Variants in BIK observed in about 807,000 individuals in gnomAD.
BIK encodes the protein bcl-2-interacting killer.
A neutral mutation model predicts 12.1 loss-of-function variants in BIK; 14 were observed. The observed-to-expected ratio is 1.16, with a 90% CI of 0.77 to 1.81. The LOEUF (loss-of-function observed/expected upper bound fraction) is 1.81. BIK is among the 40% of genes most tolerant of loss of function. The pLI is 0.00. For synonymous variants in BIK, 86 were observed against 92.3 expected, an observed-to-expected ratio of 0.93 and a Z score of 0.39; for missense variants, 215 against 207.9, an observed-to-expected ratio of 1.03 and a Z score of -0.21.
intron 4 of BIK, 147 bp from the exon 5 acceptor site, chr22:43,129,066 T>C (rs1039278521): frequency 1.4e-6 from 2 of 1,418,562 alleles, no homozygotes; most frequent in Non-Finnish European, 1.9e-6. Context: ...ACTTTCCCCC[T>C]CTCCTGAACT....
intron 1 of BIK, among the ~76,000 whole-genome samples, chr22:43,117,974 A>G (rs970351141): frequency 6.6e-6 from 1 of 151,886 alleles, no homozygotes; most frequent in Non-Finnish European, 1.5e-5. Context: ...CGGCTGGCCC[A>G]TTTCATATAT....
At position 43,128,529 on chromosome 22, in the gene BIK, G is replaced by T; in HGVS notation, c.294G>T (p.Glu98Asp). The T allele has an allele frequency of 6.2e-7, 1 of 1,613,920 alleles. No individual in the cohort carries two copies. The highest frequency in any genetic ancestry group is 1.1e-5 in the South Asian group (1 of 91,082). The change falls in exon 4 of 5, where the codon GAG (glutamate) becomes GAT (aspartate). Residue 98 changes from glutamate to aspartate, a missense_variant. Transcript: ENST00000216115. ...LGLAFIYDQT[E>D]DIRDVLRSFM... ...TGGCTTTCATCTACGACCAGACTGAGGACATCAGGGATGTTCTTAGAAGTT... is the reference window on the plus strand; with the variant it reads ...TGGCTTTCATCTACGACCAGACTGATGACATCAGGGATGTTCTTAGAAGTT...
intron 2 of BIK, among the ~76,000 whole-genome samples, chr22:43,124,413 G>A: frequency 6.6e-6 from 1 of 152,186 alleles, no homozygotes; most frequent in East Asian, 1.9e-4. Context: ...CAGCCAGCAT[G>A]TTCACAGTCT....
In BIK at chr22:43,127,808, T is replaced by A. The variant is rs905002351; in HGVS notation, c.260+13T>A. 1 of 1,544,048 alleles carries A rather than the reference T, an allele frequency of 6.5e-7. No individual in the cohort carries two copies. Among genetic ancestry groups the A allele is most frequent in the African/African-American group, 1.4e-5 (1 of 72,904 alleles). ...TGGCCATGCACAGGTAGCCGGCCTA[T>A]GCCCTATGCCTCTACACCTGGGGAG... On this transcript the variant is annotated intron_variant, in intron 3 of 4. Coordinates refer to ENST00000216115, the MANE Select transcript of BIK (RefSeq NM_001197.5).
At chr22:43,116,850 G>A (rs933370058) in intron 1 of BIK, among the ~76,000 whole-genome samples, 7 of 152,202 alleles carry the variant, frequency 4.6e-5, no homozygotes, top group Non-Finnish European at 8.8e-5. Flanking sequence ...GAGGTGGAAA[G>A]ATCACCTGAG....
At chr22:43,117,848 A>C (rs1930148040) in intron 1 of BIK, among the ~76,000 whole-genome samples, 1 of 149,346 alleles carries the variant, frequency 6.7e-6, no homozygotes, top group African/African-American at 2.5e-5. Context: ...TTTTTTTGAA[A>C]CGGGGTAGAG....
chr22:43,119,293 C>T (rs1930175254), intron 1 of BIK, among the ~76,000 whole-genome samples: 1 of 151,736 alleles, frequency 6.6e-6, no homozygotes, highest in Non-Finnish European at 1.5e-5. Context: ...TGCAAGTTTG[C>T]TGGAAAAAAA....
chr22:43,116,842 G>C (rs1278759476), intron 1 of BIK, among the ~76,000 whole-genome samples: 1 of 152,200 alleles, frequency 6.6e-6, no homozygotes, highest in Non-Finnish European at 1.5e-5. Flanking sequence ...GGGAAGTTGA[G>C]GTGGAAAGAT....
At chr22:43,128,905 C>T (rs1390844872) in intron 4 of BIK, among the ~76,000 whole-genome samples, 2 of 152,256 alleles carry the variant, frequency 1.3e-5, no homozygotes, top group Non-Finnish European at 2.9e-5. Flanking sequence ...AGCAGCCTTC[C>T]TGGTAGCCTG....
At chr22:43,123,993 C>A in intron 1 of BIK, 23 bp from the exon 2 acceptor site, 1 of 1,612,902 alleles carries the variant, frequency 6.2e-7, no homozygotes, top group South Asian at 1.1e-5. Context: ...GGGGTCCAGT[C>A]ATATGCTGTC....
intron 1 of BIK, among the ~76,000 whole-genome samples, chr22:43,113,764 T>C (rs573740528): frequency 2.0e-5 from 3 of 152,348 alleles, no homozygotes; most frequent in African/African-American, 7.2e-5. Context: ...AGTGAACCTA[T>C]TAAATGTGTA....
At position 43,127,774 on chromosome 22, in the gene BIK, T is replaced by C. The variant is rs1240745249; in HGVS notation, c.239T>C (p.Leu80Pro). 3 of 1,552,286 alleles carry C rather than the reference T, an allele frequency of 1.9e-6. No individual in the cohort carries two copies. Among genetic ancestry groups the C allele is most frequent in the Non-Finnish European group, 2.6e-6 (3 of 1,147,844 alleles). ...CTCAGGGCCCCGCGCCTGGCCCAGC[T>C]CTCCGAGGTGGCCATGCACAGGTAG... ...VSLRAPRLAQ[L>P]SEVAMHSLGL... Residue 80 changes from leucine to proline, a missense_variant, in exon 3 of 5, where the codon CTC becomes CCC. Coordinates refer to ENST00000216115, the MANE Select transcript of BIK (RefSeq NM_001197.5).
At chr22:43,116,298 C>T (rs1172925032) in intron 1 of BIK, among the ~76,000 whole-genome samples, 1 of 152,010 alleles carries the variant, frequency 6.6e-6, no homozygotes, top group Non-Finnish European at 1.5e-5. Context: ...CTTATTGATA[C>T]AGGGTCTCAC....
At position 43,117,553 on chromosome 22, in the gene BIK, G is replaced by A. The variant is rs543410690; in HGVS notation, c.-7-6463G>A. 1.7e-4 allele frequency among the ~76,000 whole-genome samples: 25 copies of A among 149,906 alleles called. No homozygotes were observed. The South Asian group carries it at 1.7e-3, about 10-fold the overall frequency. On this transcript the variant is annotated intron_variant, in intron 1 of 4. Coordinates refer to ENST00000216115, the MANE Select transcript of BIK (RefSeq NM_001197.5). ...CCAGCTAATTTTTTTTGTATTTTTA[G>A]TAGAGACAGGGTTTCACTGTGTTAG...
chr22:43,128,654 C>A, intron 4 of BIK, 29 bp downstream of exon 4: 1 of 1,584,092 alleles, frequency 6.3e-7, no homozygotes, highest in Non-Finnish European at 8.6e-7. Flanking sequence ...CTGACCCTGA[C>A]TTGCGCTGCG....
rs776839988 is a variant in BIK at position 43,128,477 on chromosome 22, C to A, written c.261-19C>A. 1 of 1,564,960 alleles carries A rather than the reference C, an allele frequency of 6.4e-7. No homozygotes were observed. Among genetic ancestry groups the A allele is most frequent in the Non-Finnish European group, 8.7e-7 (1 of 1,147,348 alleles). The stretch of plus-strand genomic sequence containing the variant: ...CTCCTGCAGTAATGGCTTTGTCCCC[C>A]CATCCTCTTTGTCTATAGCCTGGGT... On this transcript the variant is annotated intron_variant, in intron 3 of 4. Transcript: ENST00000216115.
chr22:43,117,138 G>A (rs1352261205), intron 1 of BIK, among the ~76,000 whole-genome samples: 1 of 152,090 alleles, frequency 6.6e-6, no homozygotes, highest in Admixed American at 6.6e-5. Flanking sequence ...AGCCGGATGC[G>A]GCACTGGCAC....
intron 1 of BIK, among the ~76,000 whole-genome samples, chr22:43,114,448 GC>G (rs1251010233): frequency 6.6e-6 from 1 of 152,020 alleles, no homozygotes; most frequent in Non-Finnish European, 1.5e-5. Context: ...GATTACAGGC[GC>G]GTGCCACCAC....
intron 2 of BIK, 35 bp downstream of exon 2, chr22:43,124,218 A>G (rs760145578): frequency 1.3e-5 from 21 of 1,608,930 alleles, no homozygotes; most frequent in Non-Finnish European, 1.8e-5. Flanking sequence ...CCCCTGCCTG[A>G]TAGTGACTTC....
Sources: gnomAD v4.1 joint callset for allele counts (sites outside exome capture counted in the v4.1 genomes callset) on GRCh38, gnomAD v4.1.1 for gene constraint, MANE v1.5 for transcripts, NCBI Gene and HGNC (gene_info 2026-07-23, HGNC 2026-07-21) for gene names.